RAB10: variants seen among roughly 807,000 people sequenced by gnomAD.
RAB10 encodes the protein RAB10, member RAS oncogene family, also known as ras-related protein Rab-10.
RAB10 carries 5 observed loss-of-function variants against 25.7 expected under a neutral mutation model. The observed-to-expected ratio is 0.19, with a 90% confidence interval of 0.10 to 0.41. The LOEUF is 0.41. Among genes scored for constraint, RAB10 ranks in the 10% least tolerant of loss-of-function variants. The pLI, the probability that RAB10 is intolerant of heterozygous loss-of-function variation, is 1.00. For synonymous variants in RAB10, 89 were observed against 86.4 expected, an observed-to-expected ratio of 1.03 and a Z score of -0.16; for missense variants, 103 against 245.8, an observed-to-expected ratio of 0.42 and a Z score of 3.89.
At chr2:26,053,866 T>C (rs1028066366) in intron 1 of RAB10, among the ~76,000 whole-genome samples, 98 of 149,636 alleles carry the variant, frequency 6.5e-4, no homozygotes, top group African/African-American at 2.3e-3. Flanking sequence ...ATTACAGGCG[T>C]GTGCCACCAC....
chr2:26,090,992 G>A (rs968949901), intron 1 of RAB10, among the ~76,000 whole-genome samples: 2 of 151,646 alleles, frequency 1.3e-5, no homozygotes, highest in African/African-American at 4.8e-5. Context: ...GGCCTGAGGC[G>A]CTAAAAAGCT....
At chr2:26,116,681 C>G (rs573802937) in intron 3 of RAB10, among the ~76,000 whole-genome samples, 1 of 150,434 alleles carries the variant, frequency 6.6e-6, no homozygotes. Context: ...CTCAGCCTCC[C>G]GAGTAGCTGG....
At position 26,034,564 on chromosome 2, in the gene RAB10, AT is replaced by A. The variant is rs1456435854; in HGVS notation, c.-44del. On this transcript the variant is annotated 5_prime_UTR_variant, in exon 1 of 6. Transcript: ENST00000264710. ...GAGTTGGCCGTAGTGAGAGGGACCGATCCCTTGGGGCCGCCGGCGGCGAGAG... is the reference window on the plus strand; with the variant it reads ...GAGTTGGCCGTAGTGAGAGGGACCGACCCTTGGGGCCGCCGGCGGCGAGAG... The A allele has an allele frequency of 6.2e-7, 1 of 1,611,606 alleles. No homozygotes were observed. The highest frequency in any genetic ancestry group is 8.5e-7 in the Non-Finnish European group (1 of 1,179,570).
intron 1 of RAB10, among the ~76,000 whole-genome samples, chr2:26,086,772 A>G (rs1000933512): frequency 3.3e-5 from 5 of 152,266 alleles, no homozygotes; most frequent in Non-Finnish European, 5.9e-5. Flanking sequence ...TGGTGTACGC[A>G]TACAGTGGAG....
At chr2:26,065,975 G>A (rs1015514251) in intron 1 of RAB10, among the ~76,000 whole-genome samples, 1 of 152,076 alleles carries the variant, frequency 6.6e-6, no homozygotes, top group Non-Finnish European at 1.5e-5. Flanking sequence ...ACCAATATTT[G>A]TATTCTCATC....
At chr2:26,066,128 C>T (rs1407503858) in intron 1 of RAB10, among the ~76,000 whole-genome samples, 1 of 152,142 alleles carries the variant, frequency 6.6e-6, no homozygotes, top group African/African-American at 2.4e-5. Flanking sequence ...TGAAAGAAAT[C>T]AAGCAGTTAA....
intron 1 of RAB10, among the ~76,000 whole-genome samples, chr2:26,060,028 A>G (rs1005219431): frequency 6.6e-6 from 1 of 152,204 alleles, no homozygotes; most frequent in African/African-American, 2.4e-5. Context: ...AAGAACACAT[A>G]ATAATAGCTA....
At chr2:26,079,259 G>A (rs539167945) in intron 1 of RAB10, among the ~76,000 whole-genome samples, 2 of 151,292 alleles carry the variant, frequency 1.3e-5, no homozygotes, top group East Asian at 1.9e-4. Flanking sequence ...TTTTATTCTA[G>A]TTAGCAAATC....
At chr2:26,099,470 C>T (rs1667295150) in intron 2 of RAB10, among the ~76,000 whole-genome samples, 2 of 151,668 alleles carry the variant, frequency 1.3e-5, no homozygotes, top group African/African-American at 2.4e-5. Flanking sequence ...TCCCTGCTAC[C>T]CCTGGTCCCC....
chr2:26,073,631 G>GAGCTTGGCAGC (rs1666674210), intron 1 of RAB10, among the ~76,000 whole-genome samples: 2 of 152,186 alleles, frequency 1.3e-5, no homozygotes, highest in South Asian at 4.1e-4. Flanking sequence ...TGGCAGCATA[G>GAGCTTGGCAGC]ATAAGAAAAC....
chr2:26,033,703 G>T (rs1406954314), upstream of RAB10, among the ~76,000 whole-genome samples: 1 of 151,980 alleles, frequency 6.6e-6, no homozygotes, highest in Non-Finnish European at 1.5e-5. Context: ...CAGAGAAACC[G>T]CAGCGCAGTC....
At chr2:26,086,802 C>T (rs957486135) in intron 1 of RAB10, among the ~76,000 whole-genome samples, 5 of 152,160 alleles carry the variant, frequency 3.3e-5, no homozygotes, top group African/African-American at 1.2e-4. Flanking sequence ...GTCATAAAAA[C>T]GGTATACTAA....
chr2:26,115,493 T>C (rs1346356631), intron 3 of RAB10, among the ~76,000 whole-genome samples: 1 of 152,144 alleles, frequency 6.6e-6, no homozygotes, highest in Non-Finnish European at 1.5e-5. Flanking sequence ...TAAAAGGCCT[T>C]ACATGATTCC....
intron 1 of RAB10, among the ~76,000 whole-genome samples, chr2:26,052,660 G>A (rs1178376569): frequency 2.0e-5 from 3 of 152,066 alleles, no homozygotes; most frequent in Admixed American, 6.6e-5. Context: ...GTGGGCAGGT[G>A]TGGGGTTAAC....
intron 1 of RAB10, among the ~76,000 whole-genome samples, chr2:26,079,699 TCTGTCACCCAGG>T (rs1666825918): frequency 6.6e-6 from 1 of 151,630 alleles, no homozygotes; most frequent in East Asian, 1.9e-4. Flanking sequence ...AGAGTCTCAC[TCTGTCACCCAGG>T]CTGGAGTGCA....
rs138860550 is a variant in RAB10 at position 26,048,613 on chromosome 2, G to A, written c.127+13878G>A. Among the ~76,000 whole-genome samples, 404 of 152,286 alleles carry A rather than the reference G, an allele frequency of 2.7e-3. 3 individuals carry two copies. The highest frequency in any genetic ancestry group is 9.4e-3 in the African/African-American group (391 of 41,558). On this transcript the variant is annotated intron_variant, in intron 1 of 5. Coordinates refer to ENST00000264710, the MANE Select transcript of RAB10 (RefSeq NM_016131.5). ...CATTTAAAATTCTAGTCTTGACCAG[G>A]TGCAGTGGCTCACACCTGTAATCCC...
At position 26,085,487 on chromosome 2, in the gene RAB10, TC is replaced by T. The variant is rs1437041963; in HGVS notation, c.128-13174del. Reference sequence around the variant, plus strand: ...CTGGGTGGCAGAGCAAGACTGTGTCTCAAAAAAAAAAAAAAAAAAGTTATGC... The same window carrying T: ...CTGGGTGGCAGAGCAAGACTGTGTCTAAAAAAAAAAAAAAAAAAGTTATGC... On this transcript the variant is annotated intron_variant, in intron 1 of 5. Transcript: ENST00000264710. Among the ~76,000 whole-genome samples, 58 of 129,340 alleles carry T rather than the reference TC, an allele frequency of 4.5e-4. 2 individuals carry two copies. The South Asian group carries it at 0.013, about 29-fold the overall frequency. 84.9% of individuals were successfully genotyped at this position (129,340 alleles called of 152,430 possible).
chr2:26,035,076 T>C (rs1559574219), intron 1 of RAB10, among the ~76,000 whole-genome samples: 1 of 152,254 alleles, frequency 6.6e-6, no homozygotes, highest in Non-Finnish European at 1.5e-5. Context: ...TTTTAAGGTA[T>C]TTATTTCAGT....
intron 3 of RAB10, among the ~76,000 whole-genome samples, chr2:26,124,417 T>TTTTTTTG (rs1667867053): frequency 1.7e-5 from 2 of 119,590 alleles, no homozygotes; most frequent in Admixed American, 8.8e-5. Flanking sequence ...TTTTTTTTTT[T>TTTTTTTG]GAGACAGGTT....
Sources: allele counts gnomAD v4.1 joint callset (sites outside exome capture counted in the v4.1 genomes callset), GRCh38; gene constraint gnomAD v4.1.1; transcripts MANE v1.5; gene names NCBI Gene and HGNC (gene_info 2026-07-23, HGNC 2026-07-21).